The following SGCZ variants were observed in gnomAD, a reference collection of about 807,000 sequenced individuals.
SGCZ encodes sarcoglycan zeta.
SGCZ carries 40 observed loss-of-function variants against 41.3 expected under a neutral mutation model. The ratio of observed to expected loss-of-function variants is 0.97; its 90% CI spans 0.75 to 1.26. SGCZ has a LOEUF of 1.26. Ranked by LOEUF, SGCZ falls within the 50% of genes most tolerant of loss-of-function variation. The probability of loss-of-function intolerance (pLI) is 0.00; values close to 1 mark genes in which losing one functional copy is unlikely to be tolerated. For missense variants in SGCZ, 552 were observed against 369.8 expected, an observed-to-expected ratio of 1.49 and a Z score of -4.04; for synonymous variants, 206 against 137.5, an observed-to-expected ratio of 1.50 and a Z score of -3.49.
chr8:14,626,478 T>G (rs989935566), intron 1 of SGCZ, among the ~76,000 whole-genome samples: 8 of 152,172 alleles, frequency 5.3e-5, no homozygotes, highest in African/African-American at 1.7e-4. Flanking sequence ...TAAATTCATC[T>G]GGTGAAGTTC....
chr8:14,527,525 G>C (rs944040188), intron 2 of SGCZ, among the ~76,000 whole-genome samples: 6 of 151,310 alleles, frequency 4.0e-5, no homozygotes, highest in African/African-American at 1.5e-4. Flanking sequence ...GGGTGAGTAA[G>C]CATTTAAAAT....
chr8:14,444,311 G>C (rs1479633729), intron 2 of SGCZ, among the ~76,000 whole-genome samples: 1 of 151,982 alleles, frequency 6.6e-6, no homozygotes, highest in Admixed American at 6.6e-5. Flanking sequence ...TCCATTACTG[G>C]GTATATACCC....
At chr8:14,687,564 T>A (rs1337395663) in intron 1 of SGCZ, among the ~76,000 whole-genome samples, 2 of 151,914 alleles carry the variant, frequency 1.3e-5, no homozygotes, top group Non-Finnish European at 2.9e-5. Flanking sequence ...ATGGTGTATA[T>A]GTGCCACATT....
At chr8:14,218,952 A>G (rs989053672) in intron 4 of SGCZ, among the ~76,000 whole-genome samples, 1 of 152,234 alleles carries the variant, frequency 6.6e-6, no homozygotes, top group Admixed American at 6.5e-5. Flanking sequence ...ACACGGAGAA[A>G]TTGCCAAAGA....
intron 2 of SGCZ, among the ~76,000 whole-genome samples, chr8:14,344,823 A>G (rs1350490696): frequency 6.6e-6 from 1 of 151,382 alleles, no homozygotes; most frequent in African/African-American, 2.5e-5. Context: ...ACCCATCAAA[A>G]TTACTAAAAC....
At chr8:15,150,934 C>G (rs1181415804) in intron 1 of SGCZ, among the ~76,000 whole-genome samples, 1 of 152,156 alleles carries the variant, frequency 6.6e-6, no homozygotes, top group East Asian at 1.9e-4. Context: ...AATTCATTCT[C>G]CTCTAGTGTG....
chr8:14,877,343 CGAA>C (rs1466747022), intron 1 of SGCZ, among the ~76,000 whole-genome samples: 1 of 152,000 alleles, frequency 6.6e-6, no homozygotes, highest in Non-Finnish European at 1.5e-5. Flanking sequence ...GACACCATTA[CGAA>C]GAAAACAAAT....
rs1251175037 is a variant in SGCZ at position 14,702,838 on chromosome 8, TAGATAGATA to T, written c.40-147921_40-147913del. 3.1e-3 allele frequency among the ~76,000 whole-genome samples: 311 copies of T among 99,992 alleles called. 5 individuals carry two copies. The highest frequency in any genetic ancestry group is 0.021 in the South Asian group (63 of 3,066). The allele number at this position is 99,992 out of a possible 152,430, so 65.6% of individuals were successfully genotyped here. Reference sequence around the variant, plus strand: ...GTAGATAGATAGATAGATAGATAGATAGATAGATAGATAGATAGATAGATAGATAGATAG... The same window carrying T: ...GTAGATAGATAGATAGATAGATAGATGATAGATAGATAGATAGATAGATAG... On this transcript the variant is annotated intron_variant, in intron 1 of 7. Coordinates refer to ENST00000382080, the MANE Select transcript of SGCZ (RefSeq NM_139167.4).
intron 4 of SGCZ, among the ~76,000 whole-genome samples, chr8:14,172,846 C>G (rs59206024): frequency 0.013 from 2,039 of 152,148 alleles, 63 homozygotes; most frequent in African/African-American, 0.047. Context: ...TATAGGAGCA[C>G]TCTTCAATCT....
chr8:15,102,161 G>C (rs574487428), intron 1 of SGCZ, among the ~76,000 whole-genome samples: 1 of 152,256 alleles, frequency 6.6e-6, no homozygotes, highest in African/African-American at 2.4e-5. Flanking sequence ...AACAACCAAG[G>C]TGTCCTTCAG....
At chr8:15,069,049 A>C (rs752642836) in intron 1 of SGCZ, among the ~76,000 whole-genome samples, 1 of 152,242 alleles carries the variant, frequency 6.6e-6, no homozygotes, top group African/African-American at 2.4e-5. Flanking sequence ...CTGAAGTTAA[A>C]GTATTGGCTG....
chr8:14,762,144 C>T (rs1003071714), intron 1 of SGCZ, among the ~76,000 whole-genome samples: 1 of 152,102 alleles, frequency 6.6e-6, no homozygotes, highest in Non-Finnish European at 1.5e-5. Flanking sequence ...ATAGAGATTG[C>T]ATGAACATTT....
At chr8:14,650,918 A>G (rs1011478624) in intron 1 of SGCZ, among the ~76,000 whole-genome samples, 1 of 152,114 alleles carries the variant, frequency 6.6e-6, no homozygotes, top group Non-Finnish European at 1.5e-5. Flanking sequence ...AGAAATATTT[A>G]TAAGGCAGAG....
intron 4 of SGCZ, among the ~76,000 whole-genome samples, chr8:14,188,415 A>G (rs1189252797): frequency 6.8e-6 from 1 of 146,850 alleles, no homozygotes; most frequent in Non-Finnish European, 1.6e-5. Flanking sequence ...AAACCCTGAA[A>G]ACATTATGTT....
intron 2 of SGCZ, among the ~76,000 whole-genome samples, chr8:14,483,641 T>C (rs534550110): frequency 1.3e-4 from 20 of 152,312 alleles, no homozygotes; most frequent in African/African-American, 4.8e-4. Context: ...GTAAATTACG[T>C]TGATAAAGAA....
At chr8:14,341,695 A>G (rs546557542) in intron 2 of SGCZ, among the ~76,000 whole-genome samples, 2 of 152,270 alleles carry the variant, frequency 1.3e-5, no homozygotes, top group South Asian at 4.1e-4. Context: ...TAATTGAATC[A>G]TGGGGGCCAG....
At chr8:14,128,403 C>T (rs1262396566) in intron 5 of SGCZ, among the ~76,000 whole-genome samples, 10 of 152,130 alleles carry the variant, frequency 6.6e-5, no homozygotes, top group South Asian at 6.2e-4. Context: ...TTGAAAATAA[C>T]ACATTGGTGA....
chr8:14,951,437 C>G (rs1800634779), intron 1 of SGCZ, among the ~76,000 whole-genome samples: 2 of 151,990 alleles, frequency 1.3e-5, no homozygotes, highest in African/African-American at 4.8e-5. Flanking sequence ...TTTTTACATA[C>G]TGACCATAAT....
At chr8:14,110,917 C>A (rs181403424) in intron 5 of SGCZ, among the ~76,000 whole-genome samples, 35 of 152,026 alleles carry the variant, frequency 2.3e-4, no homozygotes, top group Admixed American at 9.2e-4. Flanking sequence ...ATTAGCTGGG[C>A]ATGGTGGTGC....
Sources: allele counts gnomAD v4.1 joint callset (sites outside exome capture counted in the v4.1 genomes callset), GRCh38; gene constraint gnomAD v4.1.1; transcripts MANE v1.5; gene names NCBI Gene and HGNC (gene_info 2026-07-23, HGNC 2026-07-21).